PADI6: variants seen among roughly 807,000 people sequenced by gnomAD.
PADI6 encodes peptidyl arginine deiminase 6.
Under a neutral mutation model 78.2 loss-of-function variants are expected in PADI6, and 66 were observed. That is an observed-to-expected ratio of 0.84 (90% CI 0.69 to 1.04). The LOEUF (loss-of-function observed/expected upper bound fraction) is 1.04. PADI6 is among the 50% of genes least tolerant of loss of function. PADI6 has a pLI of 0.00. For missense variants in PADI6, 854 were observed against 866.1 expected (o/e 0.99, Z 0.18); for synonymous variants, 397 against 346.9 (o/e 1.14, Z -1.60).
intron 8 of PADI6, among the ~76,000 whole-genome samples, chr1:17,391,207 T>A (rs116320173): frequency 0.16 from 17,760 of 108,576 alleles, 1,115 homozygotes; most frequent in Middle Eastern, 0.28. Flanking sequence ...TTGTTCCGTT[T>A]GTTTAAGATA....
intron 9 of PADI6, among the ~76,000 whole-genome samples, chr1:17,393,411 T>C (rs2075211179): frequency 6.6e-6 from 1 of 152,174 alleles, no homozygotes; most frequent in Non-Finnish European, 1.5e-5. Flanking sequence ...CACAGTGGCA[T>C]AGGGTGGAGA....
intron 3 of PADI6, among the ~76,000 whole-genome samples, chr1:17,376,827 C>A (rs924986673): frequency 2.0e-5 from 3 of 152,186 alleles, no homozygotes; most frequent in African/African-American, 7.2e-5. Context: ...CTAACATCTA[C>A]AACACTAAGT....
At position 17,375,975 on chromosome 1, in the gene PADI6, C is replaced by CTTTTTTTTTTTTTTTTT. The variant is rs575076756; in HGVS notation, c.367+485_367+486insTTTTTTTTTTTTTTTTT. On this transcript the variant is annotated intron_variant, in intron 3 of 15. Coordinates refer to ENST00000619609, the MANE Select transcript of PADI6 (RefSeq NM_207421.4). ...TCAGGAACAAGCTCTATAACATCTA[C>CTTTTTTTTTTTTTTTTT]TTTTTTTTTCTTTTTTTTCTGAGAT... is the stretch of plus-strand genomic sequence containing the variant. Among the ~76,000 whole-genome samples the CTTTTTTTTTTTTTTTTT allele has an allele frequency of 5.7e-4, 86 of 150,300 alleles. 2 individuals carry two copies. Among genetic ancestry groups the CTTTTTTTTTTTTTTTTT allele is most frequent in the African/African-American group, 2.0e-3 (82 of 40,234 alleles).
Position 17,394,046 on chromosome 1 carries a change from C to T in PADI6, c.1146C>T (p.Ala382=), listed in dbSNP as rs112098336. 3.2e-4 allele frequency: 511 copies of T among 1,613,906 alleles called. 1 individual carries two copies. In the African/African-American group the frequency reaches 5.4e-3, roughly 17 times the overall value. Reference sequence around the variant, plus strand: ...CCTTGATCCTCGACACACCTCAGGCCGCCGATCTCGATGAGTTCCCCATGA... The same window carrying T: ...CCTTGATCCTCGACACACCTCAGGCTGCCGATCTCGATGAGTTCCCCATGA... The part of the protein sequence containing the change: ...TTSLILDTPQ[A]ADLDEFPMKY... Residue 382 remains alanine (A), a synonymous_variant, in exon 10 of 16, where the codon GCC becomes GCT. Transcript: ENST00000619609.
chr1:17,375,337 C>G, intron 2 of PADI6, 90 bp from the exon 3 acceptor site: 1 of 1,211,764 alleles, frequency 8.3e-7, no homozygotes, highest in South Asian at 1.3e-5. Context: ...GACCAAGATC[C>G]CACGCCTAGA....
intron 9 of PADI6, among the ~76,000 whole-genome samples, chr1:17,393,494 T>C (rs559696927): frequency 5.3e-5 from 8 of 152,162 alleles, no homozygotes; most frequent in Non-Finnish European, 1.2e-4. Flanking sequence ...GTTAATGGAT[T>C]CTTTACGAAA....
At chr1:17,387,974 T>G (rs1274956000) in intron 6 of PADI6, among the ~76,000 whole-genome samples, 3 of 152,168 alleles carry the variant, frequency 2.0e-5, no homozygotes, top group African/African-American at 4.8e-5. Flanking sequence ...GTAAGTGATT[T>G]TTTTCAGATG....
intron 12 of PADI6, 78 bp from the exon 13 acceptor site, chr1:17,395,462 C>T (rs962686478): frequency 6.0e-6 from 9 of 1,504,312 alleles, no homozygotes; most frequent in South Asian, 1.2e-5. Context: ...CCTCGGCCTC[C>T]AAAGTGCTGG....
At chr1:17,385,955 A>G (rs2075114943) in intron 6 of PADI6, among the ~76,000 whole-genome samples, 1 of 152,208 alleles carries the variant, frequency 6.6e-6, no homozygotes, top group African/African-American at 2.4e-5. Flanking sequence ...CTCTGGAAGA[A>G]TAAACCATGT....
intron 3 of PADI6, among the ~76,000 whole-genome samples, chr1:17,378,395 A>T (rs2075038957): frequency 6.6e-6 from 1 of 152,122 alleles, no homozygotes; most frequent in Non-Finnish European, 1.5e-5. Context: ...GGTGCTGATG[A>T]TGTAACAGCA....
At position 17,372,231 on chromosome 1, in the gene PADI6, G is replaced by A. The variant is rs374715023; in HGVS notation, c.-15G>A. On this transcript the variant is annotated 5_prime_UTR_variant, in exon 1 of 16. Coordinates refer to ENST00000619609, the MANE Select transcript of PADI6 (RefSeq NM_207421.4). ...GGCTGCTGTGCTGAGTGAGGGCTGC[G>A]GTGCAGGCCTGAGGATGGTCAGCGT... is the stretch of plus-strand genomic sequence containing the variant. 7.5e-6 allele frequency: 12 copies of A among 1,608,926 alleles called. No individual in the cohort carries two copies. The highest frequency in any genetic ancestry group is 1.7e-4 in the Middle Eastern group (1 of 6,054).
intron 3 of PADI6, among the ~76,000 whole-genome samples, chr1:17,375,793 C>T (rs1221662013): frequency 6.6e-6 from 1 of 151,842 alleles, no homozygotes; most frequent in Non-Finnish European, 1.5e-5. Context: ...CTGTCTAGTG[C>T]CTACCTTCTT....
chr1:17,398,703 C>T lies in PADI6; in HGVS notation c.1707C>T (p.Asn569=). The T allele has an allele frequency of 7.6e-7, 1 of 1,314,864 alleles. No individual in the cohort carries two copies. Among genetic ancestry groups the T allele is most frequent in the South Asian group, 1.2e-5 (1 of 84,046 alleles). The allele number at this position is 1,314,864 out of a possible 1,614,324, so 81.4% of individuals were successfully genotyped here. ...ACCCACAGAAGTGCATTCACCTGAA[C>T]CGTGACATCCTGAAGACGGAGCTGG... ...NEYVEKCIHL[N]RDILKTELGL... The change falls in exon 15 of 16, where the codon AAC becomes AAT. Residue 569 remains asparagine, a synonymous_variant. Coordinates refer to ENST00000619609, the MANE Select transcript of PADI6 (RefSeq NM_207421.4).
intron 6 of PADI6, among the ~76,000 whole-genome samples, chr1:17,383,027 C>T (rs906297187): frequency 2.0e-5 from 3 of 152,230 alleles, no homozygotes; most frequent in Non-Finnish European, 4.4e-5. Flanking sequence ...AAACAATCCT[C>T]CTGCCTTGGC....
At chr1:17,390,383 T>C (rs2762897) in intron 8 of PADI6, among the ~76,000 whole-genome samples, 3 of 150,716 alleles carry the variant, frequency 2.0e-5, no homozygotes, top group Non-Finnish European at 4.4e-5. Context: ...GCGGATCACC[T>C]GAGGTCAGGA....
chr1:17,395,903 T>C (rs1180331769), intron 13 of PADI6, among the ~76,000 whole-genome samples: 1 of 152,294 alleles, frequency 6.6e-6, no homozygotes, highest in East Asian at 1.9e-4. Flanking sequence ...GGGACTCACT[T>C]AGTACATAGG....
intron 15 of PADI6, 75 bp from the exon 16 acceptor site, chr1:17,401,130 A>C: frequency 7.1e-7 from 1 of 1,407,194 alleles, no homozygotes; most frequent in South Asian, 1.3e-5. Flanking sequence ...GTCTGACCGC[A>C]GAGAGGCAGG....
chr1:17,393,297 G>A (rs1209646531), intron 9 of PADI6, among the ~76,000 whole-genome samples: 2 of 152,140 alleles, frequency 1.3e-5, no homozygotes, highest in African/African-American at 4.8e-5. Flanking sequence ...AGCATGAATC[G>A]GGAATGAAAG....
At chr1:17,372,389 TGGCAGGCAGACA>T (rs756741812) in intron 1 of PADI6, 28 bp downstream of exon 1, 13 of 1,605,516 alleles carry the variant, frequency 8.1e-6, no homozygotes, top group African/African-American at 1.3e-5. Flanking sequence ...CTGCCAGAGG[TGGCAGGCAGACA>T]GGCAGGCAGG....
Sources: allele counts gnomAD v4.1 joint callset (sites outside exome capture counted in the v4.1 genomes callset), GRCh38; gene constraint gnomAD v4.1.1; transcripts MANE v1.5; gene names NCBI Gene and HGNC (gene_info 2026-07-23, HGNC 2026-07-21).